Variants in RASGRF2 observed in about 807,000 individuals in gnomAD.
The protein encoded by RASGRF2 is ras-specific guanine nucleotide-releasing factor 2.
In RASGRF2, 76 loss-of-function variants were observed where a neutral mutation model predicts 151.0. That is an observed-to-expected ratio of 0.50 (90% CI 0.42 to 0.61). The LOEUF is 0.61. Ranked by LOEUF, RASGRF2 falls within the 20% of genes least tolerant of loss-of-function variation. RASGRF2 has a pLI of 0.00. For synonymous variants in RASGRF2, 504 were observed against 566.5 expected, an observed-to-expected ratio of 0.89 and a Z score of 1.57; for missense variants, 1,148 against 1,564.6, an observed-to-expected ratio of 0.73 and a Z score of 4.49.
intron 1 of RASGRF2, among the ~76,000 whole-genome samples, chr5:81,006,636 A>C (rs1749278490): frequency 6.6e-6 from 1 of 152,156 alleles, no homozygotes; most frequent in Non-Finnish European, 1.5e-5. Flanking sequence ...TGATGCCCCG[A>C]ACTATGGTGC....
At chr5:80,965,596 C>G (rs1249386569) in intron 1 of RASGRF2, among the ~76,000 whole-genome samples, 1 of 152,114 alleles carries the variant, frequency 6.6e-6, no homozygotes, top group Non-Finnish European at 1.5e-5. Context: ...TTGTTGTGAA[C>G]AACTATTTTT....
intron 3 of RASGRF2, among the ~76,000 whole-genome samples, chr5:81,069,802 T>G (rs1048492436): frequency 6.6e-5 from 10 of 152,238 alleles, no homozygotes; most frequent in African/African-American, 2.2e-4. Context: ...TATAGGTTCT[T>G]AAGCTTGTAA....
chr5:81,098,331 G>A (rs945251560), intron 12 of RASGRF2, among the ~76,000 whole-genome samples: 31 of 152,160 alleles, frequency 2.0e-4, no homozygotes, highest in Non-Finnish European at 3.5e-4. Flanking sequence ...GAGTGGAGTT[G>A]ATAAATAAGC....
At chr5:81,081,187 G>A (rs1296775470) in intron 7 of RASGRF2, among the ~76,000 whole-genome samples, 4 of 152,114 alleles carry the variant, frequency 2.6e-5, no homozygotes, top group African/African-American at 9.7e-5. Context: ...AGATTCTTGG[G>A]GACGGAGTGA....
At chr5:81,144,456 G>T in intron 17 of RASGRF2, among the ~76,000 whole-genome samples, 1 of 152,214 alleles carries the variant, frequency 6.6e-6, no homozygotes, top group East Asian at 1.9e-4. Flanking sequence ...CTTCACAAGT[G>T]CTGGGAAGAC....
chr5:80,988,657 A>G (rs2112256233), intron 1 of RASGRF2, among the ~76,000 whole-genome samples: 1 of 152,302 alleles, frequency 6.6e-6, no homozygotes, highest in Non-Finnish European at 1.5e-5. Flanking sequence ...TTCTGCTTTC[A>G]TCTCTTAATG....
At chr5:81,121,894 T>G (rs996375073) in intron 15 of RASGRF2, among the ~76,000 whole-genome samples, 2 of 152,210 alleles carry the variant, frequency 1.3e-5, no homozygotes, top group African/African-American at 4.8e-5. Context: ...TAGCCACCTG[T>G]GTTGCTGCAC....
chr5:81,112,482 ATCTC>A, intron 13 of RASGRF2, 124 bp from the exon 14 acceptor site: 1 of 1,238,256 alleles, frequency 8.1e-7, no homozygotes, highest in Non-Finnish European at 1.1e-6. Context: ...CTGTGCAATT[ATCTC>A]TCTCCTATCA....
intron 17 of RASGRF2, among the ~76,000 whole-genome samples, chr5:81,128,837 T>G (rs1204850968): frequency 6.6e-6 from 1 of 152,146 alleles, no homozygotes; most frequent in East Asian, 1.9e-4. Context: ...TATGTTAAAA[T>G]AAATCTGTAA....
At chr5:80,974,758 G>A (rs774960959) in intron 1 of RASGRF2, among the ~76,000 whole-genome samples, 2 of 152,176 alleles carry the variant, frequency 1.3e-5, no homozygotes, top group Non-Finnish European at 2.9e-5. Flanking sequence ...AATCGGTTTT[G>A]ACAAAGACTC....
At chr5:81,139,554 C>T (rs1753835243) in intron 17 of RASGRF2, among the ~76,000 whole-genome samples, 2 of 151,914 alleles carry the variant, frequency 1.3e-5, no homozygotes, top group South Asian at 4.2e-4. Flanking sequence ...TTAGTAAAGA[C>T]AGGGTTTCAC....
chr5:81,042,972 T>A lies in RASGRF2; in HGVS notation c.384T>A (p.Ile128=). The part of the protein sequence containing the change: ...EQDGKEWMEA[I]HQASYADILI... ...ATGGTAAAGAGTGGATGGAGGCCAT[T>A]CACCAAGCCAGGTATAGGCTCAGTC... is the stretch of plus-strand genomic sequence containing the variant. Residue 128 remains isoleucine, a synonymous_variant, in exon 2 of 27, where the codon ATT becomes ATA. Coordinates refer to ENST00000265080, the MANE Select transcript of RASGRF2 (RefSeq NM_006909.3). The A allele has an allele frequency of 6.2e-7, 1 of 1,610,300 alleles. No individual in the cohort carries two copies. The highest frequency in any genetic ancestry group is 2.2e-5 in the East Asian group (1 of 44,826).
At chr5:81,127,014 TG>T (rs1436572523) in intron 16 of RASGRF2, 59 bp from the exon 17 acceptor site, 5 of 1,552,868 alleles carry the variant, frequency 3.2e-6, no homozygotes, top group Middle Eastern at 1.7e-4. Flanking sequence ...TGATGATTTT[TG>T]TTACAGAATA....
intron 7 of RASGRF2, among the ~76,000 whole-genome samples, chr5:81,081,951 T>TA (rs1437094313): frequency 3.3e-5 from 5 of 152,242 alleles, no homozygotes; most frequent in African/African-American, 1.2e-4. Context: ...TTCAGACTTT[T>TA]AAAACAACTA....
chr5:81,003,668 A>G (rs1316726820), intron 1 of RASGRF2, among the ~76,000 whole-genome samples: 1 of 152,176 alleles, frequency 6.6e-6, no homozygotes, highest in South Asian at 2.1e-4. Context: ...GGCCGAGACA[A>G]TTTTTTAAAT....
chr5:81,207,811 C>T (rs78760882), intron 21 of RASGRF2, among the ~76,000 whole-genome samples: 5,320 of 152,308 alleles, frequency 0.035, 229 homozygotes, highest in Admixed American at 0.13. Flanking sequence ...GAGCGCTTTT[C>T]AGCCCTGACC....
At chr5:81,073,486 A>G (rs1211225160) in intron 5 of RASGRF2, 34 bp downstream of exon 5, 1 of 1,578,292 alleles carries the variant, frequency 6.3e-7, no homozygotes, top group Non-Finnish European at 8.6e-7. Flanking sequence ...AGTTATGAGA[A>G]AAACCCCTTT....
chr5:81,008,384 C>T (rs1749346641), intron 1 of RASGRF2, among the ~76,000 whole-genome samples: 1 of 152,070 alleles, frequency 6.6e-6, no homozygotes, highest in South Asian at 2.1e-4. Context: ...CTCGTGACCT[C>T]CAGTGATCCA....
Position 81,217,468 on chromosome 5 carries a change from A to G in RASGRF2, c.3547A>G (p.Arg1183Gly), listed in dbSNP as rs368660512. The change falls in exon 25 of 27, where the codon AGA becomes GGA. Residue 1183 changes from arginine to glycine, a missense_variant. By Grantham distance (125) the Arg-to-Gly change is moderately radical. Coordinates refer to ENST00000265080, the MANE Select transcript of RASGRF2 (RefSeq NM_006909.3). ...EEGLVNFSKM[R>G]MISHIIREIR... ...AGGCCTTGTCAATTTCTCCAAAATG[A>G]GAATGGTAGGTATAATTTCATAATT... 6.2e-7 allele frequency: 1 copy of G among 1,603,324 alleles called. No homozygotes were observed.
Sources: gnomAD v4.1 joint callset for allele counts (sites outside exome capture counted in the v4.1 genomes callset) on GRCh38, gnomAD v4.1.1 for gene constraint, MANE v1.5 for transcripts, NCBI Gene and HGNC (gene_info 2026-07-23, HGNC 2026-07-21) for gene names.